Variants in FTO observed in about 807,000 individuals in gnomAD.
FTO encodes FTO alpha-ketoglutarate dependent dioxygenase, also known as alpha-ketoglutarate-dependent dioxygenase FTO.
Under a neutral mutation model 63.9 loss-of-function variants are expected in FTO, and 47 were observed. The observed-to-expected ratio is 0.74, with a 90% CI of 0.58 to 0.94. The LOEUF is 0.94. FTO is among the 40% of genes least tolerant of loss of function. FTO has a pLI of 0.00. For synonymous variants in FTO, 207 were observed against 224.4 expected (o/e 0.92, Z 0.69); for missense variants, 562 against 618.1 (o/e 0.91, Z 0.96).
intron 4 of FTO, among the ~76,000 whole-genome samples, chr16:53,869,635 T>C (rs1031625513): frequency 3.3e-5 from 5 of 151,758 alleles, no homozygotes; most frequent in African/African-American, 1.2e-4. Flanking sequence ...TTCATCTGCC[T>C]TGCCCAGTTC....
intron 8 of FTO, among the ~76,000 whole-genome samples, chr16:54,062,067 C>T (rs1285904352): frequency 2.0e-5 from 3 of 152,148 alleles, no homozygotes; most frequent in Admixed American, 6.5e-5. Context: ...ACAGGCATCA[C>T]GTTGCTGTCA....
chr16:53,980,115 C>T (rs1355729729), intron 8 of FTO, among the ~76,000 whole-genome samples: 1 of 152,240 alleles, frequency 6.6e-6, no homozygotes, highest in African/African-American at 2.4e-5. Flanking sequence ...TAGAACTAGT[C>T]CCACCCTTAA....
At chr16:53,706,903 A>G (rs2075636980) in intron 1 of FTO, among the ~76,000 whole-genome samples, 1 of 152,054 alleles carries the variant, frequency 6.6e-6, no homozygotes, top group Non-Finnish European at 1.5e-5. Context: ...TTCCATTTTC[A>G]TTTCTGTCAA....
chr16:53,909,861 G>A (rs1180759722), intron 7 of FTO, among the ~76,000 whole-genome samples: 2 of 152,042 alleles, frequency 1.3e-5, no homozygotes, highest in Admixed American at 6.5e-5. Flanking sequence ...ACCACGCCCA[G>A]CTGAGAGCCT....
intron 4 of FTO, among the ~76,000 whole-genome samples, chr16:53,864,683 T>A (rs541969696): frequency 4.6e-5 from 7 of 152,276 alleles, no homozygotes; most frequent in Admixed American, 1.3e-4. Flanking sequence ...AGCTGTATTC[T>A]GAGATAGCTG....
In FTO at chr16:53,865,304, G is replaced by C. The variant is rs116492014; in HGVS notation, c.896-8482G>C. Among the ~76,000 whole-genome samples the C allele has an allele frequency of 4.8e-3, 731 of 152,182 alleles. 5 individuals are homozygous for C. Among genetic ancestry groups the C allele is most frequent in the African/African-American group, 0.017 (716 of 41,528 alleles). On this transcript the variant is annotated intron_variant, in intron 4 of 8. Coordinates refer to ENST00000471389, the MANE Select transcript of FTO (RefSeq NM_001080432.3). ...GTCAGGATCAACCAAAACTGCTCAG[G>C]AATGTCCTCAGAGATGGCAAACGGG...
At chr16:53,965,113 GC>G (rs1350546108) in intron 8 of FTO, among the ~76,000 whole-genome samples, 1 of 152,090 alleles carries the variant, frequency 6.6e-6, no homozygotes, top group Non-Finnish European at 1.5e-5. Context: ...TCCCTCTGTT[GC>G]CCAGGCTGGA....
intron 8 of FTO, among the ~76,000 whole-genome samples, chr16:53,942,321 T>G (rs1173617199): frequency 1.3e-5 from 2 of 152,164 alleles, no homozygotes; most frequent in Non-Finnish European, 2.9e-5. Context: ...GGATGCCATG[T>G]GCACAGGCTG....
At chr16:54,060,783 T>C (rs1203200199) in intron 8 of FTO, among the ~76,000 whole-genome samples, 2 of 152,222 alleles carry the variant, frequency 1.3e-5, no homozygotes, top group Non-Finnish European at 1.5e-5. Flanking sequence ...GGTATTTTGT[T>C]TGGTCTATTG....
At chr16:54,020,555 T>C (rs1442976442) in intron 8 of FTO, among the ~76,000 whole-genome samples, 2 of 151,656 alleles carry the variant, frequency 1.3e-5, no homozygotes, top group Non-Finnish European at 2.9e-5. Context: ...CTTGAATAGA[T>C]GATGGGAAAA....
At chr16:53,865,559 T>G (rs1452709733) in intron 4 of FTO, among the ~76,000 whole-genome samples, 2 of 152,206 alleles carry the variant, frequency 1.3e-5, no homozygotes, top group African/African-American at 4.8e-5. Context: ...AGAGTTGTTC[T>G]TGAGTTTATT....
intron 4 of FTO, among the ~76,000 whole-genome samples, chr16:53,858,299 C>G (rs975587254): frequency 6.6e-6 from 1 of 152,086 alleles, no homozygotes; most frequent in Non-Finnish European, 1.5e-5. Flanking sequence ...TTAAGCAATA[C>G]AAACTTTAAA....
At chr16:53,879,196 A>G (rs562783985) in intron 5 of FTO, among the ~76,000 whole-genome samples, 5 of 152,326 alleles carry the variant, frequency 3.3e-5, no homozygotes, top group Non-Finnish European at 5.9e-5. Context: ...ACTCAGTTCT[A>G]GATGTTGTAG....
At chr16:54,089,992 AC>A (rs1376726533) in intron 8 of FTO, among the ~76,000 whole-genome samples, 1 of 152,166 alleles carries the variant, frequency 6.6e-6, no homozygotes, top group Non-Finnish European at 1.5e-5. Context: ...AAAAAATTAC[AC>A]ATAGAATTAC....
chr16:53,815,886 T>C (rs939457357), intron 2 of FTO, among the ~76,000 whole-genome samples: 1 of 151,960 alleles, frequency 6.6e-6, no homozygotes, highest in Non-Finnish European at 1.5e-5. Flanking sequence ...TGACCTCAAG[T>C]GATCCGCCTG....
At chr16:53,731,420 G>A (rs1338839367) in intron 1 of FTO, among the ~76,000 whole-genome samples, 1 of 152,136 alleles carries the variant, frequency 6.6e-6, no homozygotes, top group Non-Finnish European at 1.5e-5. Context: ...AATTTGAAAA[G>A]TTTGAAAGCC....
intron 1 of FTO, among the ~76,000 whole-genome samples, chr16:53,785,336 G>A (rs1027461443): frequency 1.3e-5 from 2 of 152,124 alleles, no homozygotes; most frequent in East Asian, 1.9e-4. Flanking sequence ...GAATGAAAGT[G>A]GAAAGGAAAG....
intron 8 of FTO, among the ~76,000 whole-genome samples, chr16:54,013,759 G>A (rs139074037): frequency 2.6e-3 from 401 of 152,152 alleles, no homozygotes; most frequent in Middle Eastern, 0.017. Flanking sequence ...TATGTACATC[G>A]TTTTTTACAC....
At chr16:53,911,166 T>C in intron 7 of FTO, 3 of 550,960 alleles carry the variant, frequency 5.4e-6, no homozygotes, top group Non-Finnish European at 6.5e-6. Context: ...TTCTCTCATA[T>C]GTTAACTCAG....
Sources: allele counts gnomAD v4.1 joint callset (sites outside exome capture counted in the v4.1 genomes callset), GRCh38; gene constraint gnomAD v4.1.1; transcripts MANE v1.5; gene names NCBI Gene and HGNC (gene_info 2026-07-23, HGNC 2026-07-21).